Variants in CAMTA1 observed in about 807,000 individuals in gnomAD.
CAMTA1 encodes the protein calmodulin-binding transcription activator 1.
In CAMTA1, 27 loss-of-function variants were observed where a neutral mutation model predicts 170.9. The ratio of observed to expected loss-of-function variants is 0.16; its 90% CI spans 0.12 to 0.22. CAMTA1 has a LOEUF of 0.22. Among genes scored for constraint, CAMTA1 ranks in the 10% least tolerant of loss-of-function variants. CAMTA1 has a pLI of 1.00. For missense variants in CAMTA1, 1,619 were observed against 2,217.2 expected (o/e 0.73, Z 5.42); for synonymous variants, 833 against 891.5 (o/e 0.93, Z 1.17).
intron 16 of CAMTA1, among the ~76,000 whole-genome samples, chr1:7,740,960 G>T (rs917302283): frequency 1.3e-5 from 2 of 152,154 alleles, no homozygotes; most frequent in Admixed American, 1.3e-4. Flanking sequence ...TAAAAATAAT[G>T]AAATAATTTT....
intron 3 of CAMTA1, among the ~76,000 whole-genome samples, chr1:6,922,301 C>T (rs1682189459): frequency 6.6e-6 from 1 of 152,194 alleles, no homozygotes; most frequent in African/African-American, 2.4e-5. Context: ...TGTATTGTTT[C>T]AGTTATTTCT....
rs376853183 is a variant in CAMTA1, at chr1:7,414,498, C to T, written c.439-53332C>T. Among the ~76,000 whole-genome samples the T allele has an allele frequency of 5.3e-4, 80 of 151,656 alleles. 2 individuals carry two copies. The highest frequency in any genetic ancestry group is 8.7e-4 in the Non-Finnish European group (59 of 67,932). On this transcript the variant is annotated intron_variant, in intron 5 of 22. Transcript: ENST00000303635. ...TGGTTTAGTCTTGGGAGAGTGTATG[C>T]GTCGAGGAATTTATCCATTTCTTCT...
At position 7,664,314 on chromosome 1, in the gene CAMTA1, C is replaced by T. The variant is rs142209731; in HGVS notation, c.1767C>T (p.Ile589=). Reference sequence around the variant, plus strand: ...TGGAGCAGATGGACTTCAGCGCCATCGACTCCAACAAGGACTACACGTCCA... The same window carrying T: ...TGGAGCAGATGGACTTCAGCGCCATTGACTCCAACAAGGACTACACGTCCA... ...TTLEQMDFSA[I]DSNKDYTSSF... is the part of the protein sequence containing the mutation. The change falls in exon 9 of 23, where the codon ATC becomes ATT. Residue 589 remains isoleucine (I), a synonymous_variant. Transcript: ENST00000303635. 13 of 1,613,316 alleles carry T rather than the reference C, an allele frequency of 8.1e-6. No homozygotes were observed. Among genetic ancestry groups the T allele is most frequent in the African/African-American group, 6.7e-5 (5 of 75,072 alleles).
In CAMTA1 at chr1:7,270,291, A is replaced by ATATATTT. The variant is rs1336977888; in HGVS notation, c.438+20666_438+20667insATATTTT. 4.1e-4 allele frequency among the ~76,000 whole-genome samples: 45 copies of ATATATTT among 110,542 alleles called. 1 individual carries two copies. The highest frequency in any genetic ancestry group is 4.6e-3 in the Middle Eastern group (1 of 218). The allele number at this position is 110,542 out of a possible 152,430, so 72.5% of individuals were successfully genotyped here. A position where few individuals can be genotyped will look rare whatever the true frequency, so the allele number is the denominator to read the frequency against. On this transcript the variant is annotated intron_variant, in intron 5 of 22. Transcript: ENST00000303635. ...CACACACACATATATATATATATAT[A>ATATATTT]TTTTTTTTTTTTTTTCTTGTGAGAT...
At chr1:7,062,896 C>T (rs1225493958) in intron 3 of CAMTA1, among the ~76,000 whole-genome samples, 2 of 152,328 alleles carry the variant, frequency 1.3e-5, no homozygotes, top group South Asian at 2.1e-4. Flanking sequence ...CCAACCTGTG[C>T]GTCTCTGTTT....
At chr1:6,817,709 C>T (rs1293748467) in intron 1 of CAMTA1, among the ~76,000 whole-genome samples, 1 of 152,150 alleles carries the variant, frequency 6.6e-6, no homozygotes, top group Admixed American at 6.5e-5. Context: ...TCATGGTTCA[C>T]TTTAGGCTCA....
intron 6 of CAMTA1, among the ~76,000 whole-genome samples, chr1:7,574,314 G>A (rs1035171193): frequency 1.3e-5 from 2 of 152,186 alleles, no homozygotes; most frequent in Admixed American, 1.3e-4. Context: ...CATGACTGTG[G>A]AAATGGGGCG....
chr1:7,152,449 G>A (rs1281462464), intron 4 of CAMTA1, among the ~76,000 whole-genome samples: 1 of 152,110 alleles, frequency 6.6e-6, no homozygotes. Flanking sequence ...ACAGATGATG[G>A]TACCTGCTGA....
intron 4 of CAMTA1, among the ~76,000 whole-genome samples, chr1:7,155,647 T>A (rs1646833329): frequency 6.6e-6 from 1 of 151,928 alleles, no homozygotes; most frequent in South Asian, 2.1e-4. Context: ...TTCAGGCTGG[T>A]CTTGAATTCT....
intron 3 of CAMTA1, among the ~76,000 whole-genome samples, chr1:6,879,596 G>C (rs1475119232): frequency 2.0e-5 from 3 of 150,388 alleles, no homozygotes; most frequent in Non-Finnish European, 4.4e-5. Context: ...GATTATAAAG[G>C]CTTCTTTTCC....
At chr1:6,985,194 G>T (rs984227474) in intron 3 of CAMTA1, among the ~76,000 whole-genome samples, 1 of 152,202 alleles carries the variant, frequency 6.6e-6, no homozygotes, top group African/African-American at 2.4e-5. Context: ...GCCAGGCCAG[G>T]CTGGCTGTAG....
chr1:7,171,463 T>TC (rs1267271871), intron 4 of CAMTA1, among the ~76,000 whole-genome samples: 2 of 152,126 alleles, frequency 1.3e-5, no homozygotes, highest in Non-Finnish European at 2.9e-5. Flanking sequence ...CACTTCTGCC[T>TC]CCCCCAGTAT....
intron 3 of CAMTA1, among the ~76,000 whole-genome samples, chr1:6,936,560 TTCAAGATTG>T (rs1374135672): frequency 1.3e-5 from 2 of 152,052 alleles, no homozygotes; most frequent in African/African-American, 4.8e-5. Context: ...TGAATAAGGA[TTCAAGATTG>T]TATCTGCTGA....
At chr1:7,127,566 C>G (rs771499320) in intron 4 of CAMTA1, among the ~76,000 whole-genome samples, 4 of 152,156 alleles carry the variant, frequency 2.6e-5, no homozygotes, top group Non-Finnish European at 5.9e-5. Flanking sequence ...TTGCCAGCCT[C>G]TTCGCATTCA....
At chr1:7,028,562 A>G (rs1702328552) in intron 3 of CAMTA1, among the ~76,000 whole-genome samples, 2 of 152,016 alleles carry the variant, frequency 1.3e-5, no homozygotes, top group Non-Finnish European at 2.9e-5. Flanking sequence ...ACCTGCTTTC[A>G]TGGTTATCCT....
chr1:6,870,512 G>C (rs1407045917), intron 3 of CAMTA1, among the ~76,000 whole-genome samples: 2 of 152,178 alleles, frequency 1.3e-5, no homozygotes, highest in African/African-American at 2.4e-5. Context: ...CCTCTAGAAA[G>C]AATATTCTGT....
Position 7,519,741 on chromosome 1 carries a change from C to G in CAMTA1, c.510+51840C>G, listed in dbSNP as rs773085645. 5.2e-4 allele frequency among the ~76,000 whole-genome samples: 79 copies of G among 151,846 alleles called. 1 individual carries two copies. The highest frequency in any genetic ancestry group is 3.4e-3 in the Middle Eastern group (1 of 294). On this transcript the variant is annotated intron_variant, in intron 6 of 22. Transcript: ENST00000303635. ...CTAATCCTTTGTCCCCTTACTCCTC[C>G]TCAGGGGCTCCTTCTCTCCCTGACA...
chr1:6,858,469 GGT>G (rs869178601), intron 3 of CAMTA1, among the ~76,000 whole-genome samples: 3 of 72,172 alleles, frequency 4.2e-5, no homozygotes, highest in Non-Finnish European at 6.1e-5. Flanking sequence ...TGGTGGTGGT[GGT>G]GTGTGTGTGT....
intron 5 of CAMTA1, among the ~76,000 whole-genome samples, chr1:7,427,711 T>C (rs549841050): frequency 4.3e-4 from 66 of 152,306 alleles, no homozygotes; most frequent in Non-Finnish European, 8.7e-4. Context: ...GAGAAAGCTC[T>C]CCCCTGGGAT....
Sources: allele counts gnomAD v4.1 joint callset (sites outside exome capture counted in the v4.1 genomes callset), GRCh38; gene constraint gnomAD v4.1.1; transcripts MANE v1.5; gene names NCBI Gene and HGNC (gene_info 2026-07-23, HGNC 2026-07-21).